The following LINGO2 variants were observed in gnomAD, a reference collection of about 807,000 sequenced individuals.
LINGO2 encodes the protein leucine-rich repeat and immunoglobulin-like domain-containing nogo receptor-interacting protein 2.
Under a neutral mutation model 30.6 loss-of-function variants are expected in LINGO2, and 14 were observed. The observed-to-expected ratio is 0.46, with a 90% CI of 0.30 to 0.72. The LOEUF (loss-of-function observed/expected upper bound fraction) is 0.72. Ranked by LOEUF, LINGO2 falls within the 30% of genes least tolerant of loss-of-function variation. LINGO2 has a pLI of 0.07. For missense variants in LINGO2, 729 were observed against 751.7 expected, an observed-to-expected ratio of 0.97 and a Z score of 0.35; for synonymous variants, 317 against 288.5, an observed-to-expected ratio of 1.10 and a Z score of -1.00.
At chr9:29,060,494 A>T in the LINGO2 span, among the ~76,000 whole-genome samples, 5 of 152,142 alleles carry the variant, frequency 3.3e-5, no homozygotes, top group African/African-American at 1.2e-4. Context: ...ATCAAACAAC[A>T]TATTATTTTA....
chr9:29,005,717 C>A, the LINGO2 span, among the ~76,000 whole-genome samples: 1 of 152,098 alleles, frequency 6.6e-6, no homozygotes, highest in East Asian at 1.9e-4. Flanking sequence ...AAACCCGGCC[C>A]TTCACGTATG....
intron 1 of LINGO2, among the ~76,000 whole-genome samples, chr9:28,618,316 T>C (rs150529621): frequency 1.1e-4 from 17 of 152,274 alleles, no homozygotes; most frequent in African/African-American, 4.1e-4. Context: ...TATTTTTCTC[T>C]TTTACTCACT....
intron 4 of LINGO2, among the ~76,000 whole-genome samples, chr9:28,189,261 A>AAGGG (rs1274192438): frequency 1.2e-5 from 1 of 85,764 alleles, no homozygotes. Context: ...GGGAGGAAGG[A>AAGGG]AGGGAGGGAG....
At chr9:28,908,706 C>T in the LINGO2 span, among the ~76,000 whole-genome samples, 15 of 151,848 alleles carry the variant, frequency 9.9e-5, 1 homozygote, top group Non-Finnish European at 4.4e-5. Context: ...TAAGGATGCA[C>T]AAGAAAAGGT....
At chr9:28,721,440 A>C in the LINGO2 span, among the ~76,000 whole-genome samples, 1 of 152,198 alleles carries the variant, frequency 6.6e-6, no homozygotes, top group Non-Finnish European at 1.5e-5. Flanking sequence ...CTGGATAAAG[A>C]AAATGTGGCA....
the LINGO2 span, among the ~76,000 whole-genome samples, chr9:29,022,644 T>C: frequency 6.6e-6 from 1 of 152,204 alleles, no homozygotes; most frequent in Non-Finnish European, 1.5e-5. Flanking sequence ...CCTGGTAAAA[T>C]GCTCTTAACT....
the LINGO2 span, among the ~76,000 whole-genome samples, chr9:28,928,650 AAC>A: frequency 2.6e-5 from 4 of 152,202 alleles, no homozygotes; most frequent in African/African-American, 7.2e-5. Context: ...GGACATGAAA[AAC>A]ACAGTGGATA....
chr9:28,839,852 A>G, the LINGO2 span, among the ~76,000 whole-genome samples: 1 of 152,088 alleles, frequency 6.6e-6, no homozygotes, highest in Non-Finnish European at 1.5e-5. Context: ...GCTGGGGTGC[A>G]TGGTGCCCTG....
chr9:28,054,732 C>T (rs1295665025), intron 4 of LINGO2, among the ~76,000 whole-genome samples: 2 of 152,064 alleles, frequency 1.3e-5, no homozygotes, highest in African/African-American at 4.8e-5. Context: ...AACCCAATAG[C>T]TTATATTGAT....
intron 5 of LINGO2, among the ~76,000 whole-genome samples, chr9:28,003,034 A>G (rs1206733219): frequency 6.6e-6 from 1 of 152,188 alleles, no homozygotes; most frequent in African/African-American, 2.4e-5. Context: ...AGTGGATTGA[A>G]AAATGAATAA....
At chr9:28,997,865 A>C in the LINGO2 span, among the ~76,000 whole-genome samples, 3 of 152,172 alleles carry the variant, frequency 2.0e-5, no homozygotes, top group Non-Finnish European at 4.4e-5. Context: ...TAATAGTTAT[A>C]ATTCGTTTGT....
chr9:28,999,622 T>C, the LINGO2 span, among the ~76,000 whole-genome samples: 34 of 152,158 alleles, frequency 2.2e-4, no homozygotes, highest in South Asian at 5.8e-3. Context: ...GCTTATCTGG[T>C]AAGGAGCAAA....
At chr9:28,480,358 T>G (rs972379462) in intron 1 of LINGO2, among the ~76,000 whole-genome samples, 4 of 152,042 alleles carry the variant, frequency 2.6e-5, no homozygotes, top group Admixed American at 2.6e-4. Flanking sequence ...ATATAAAGCA[T>G]CTTAATTCTG....
chr9:28,584,791 A>C (rs1824447672), intron 1 of LINGO2, among the ~76,000 whole-genome samples: 1 of 152,100 alleles, frequency 6.6e-6, no homozygotes. Context: ...AAAATTCATG[A>C]GAATGCTATT....
the LINGO2 span, among the ~76,000 whole-genome samples, chr9:28,955,544 GGT>G: frequency 3.0e-4 from 45 of 152,122 alleles, no homozygotes; most frequent in African/African-American, 1.1e-3. Context: ...GCATAAAAGA[GGT>G]GTCTTGGTGC....
the LINGO2 span, among the ~76,000 whole-genome samples, chr9:28,865,167 A>AT: frequency 1.3e-5 from 2 of 152,114 alleles, no homozygotes; most frequent in African/African-American, 4.8e-5. Flanking sequence ...TTTTTATTTT[A>AT]TTTTTTGGTA....
At chr9:29,145,611 T>A in the LINGO2 span, among the ~76,000 whole-genome samples, 3 of 152,190 alleles carry the variant, frequency 2.0e-5, no homozygotes, top group Admixed American at 6.5e-5. Context: ...AACCAAAATA[T>A]ATTCTCATGA....
At chr9:28,561,527 C>G (rs924397317) in intron 1 of LINGO2, among the ~76,000 whole-genome samples, 8 of 146,540 alleles carry the variant, frequency 5.5e-5, no homozygotes, top group African/African-American at 2.0e-4. Context: ...TATTTTATAT[C>G]TATGCTACTT....
chr9:29,074,392 T>G, the LINGO2 span, among the ~76,000 whole-genome samples: 2 of 152,158 alleles, frequency 1.3e-5, no homozygotes, highest in African/African-American at 4.8e-5. Context: ...ACAAACGGGC[T>G]AATAAAAATT....
Sources: allele counts gnomAD v4.1 joint callset (sites outside exome capture counted in the v4.1 genomes callset), GRCh38; gene constraint gnomAD v4.1.1; transcripts MANE v1.5; gene names NCBI Gene and HGNC (gene_info 2026-07-23, HGNC 2026-07-21).